Variants in ZNF469 observed in about 807,000 individuals in gnomAD.
The protein encoded by ZNF469 is zinc finger protein 469.
In ZNF469, 1 loss-of-function variant was observed where a neutral mutation model predicts 1.0. The observed-to-expected ratio is 1.00, with a 90% CI of 0.35 to 4.73. The LOEUF is 4.73. Among genes scored for constraint, ZNF469 ranks in the 30% most tolerant of loss-of-function variants. The pLI, the probability that ZNF469 is intolerant of heterozygous loss-of-function variation, is 0.16. For synonymous variants in ZNF469, 2,703 were observed against 2,363.4 expected, an observed-to-expected ratio of 1.14 and a Z score of -4.17; for missense variants, 6,100 against 5,356.3, an observed-to-expected ratio of 1.14 and a Z score of -4.33.
At chr16:88,364,234 A>T in the ZNF469 span, among the ~76,000 whole-genome samples, 4 of 152,208 alleles carry the variant, frequency 2.6e-5, no homozygotes, top group African/African-American at 4.8e-5. Context: ...TTCCCCTGCA[A>T]TAATTCATTG....
chr16:88,408,632 C>T (rs1439173177), intron 1 of ZNF469, among the ~76,000 whole-genome samples: 2 of 152,200 alleles, frequency 1.3e-5, no homozygotes, highest in Non-Finnish European at 2.9e-5. Context: ...ACTGACTGCT[C>T]AGGGCTGAAT....
At chr16:88,291,398 G>A in the ZNF469 span, among the ~76,000 whole-genome samples, 2 of 152,140 alleles carry the variant, frequency 1.3e-5, no homozygotes, top group African/African-American at 4.8e-5. Flanking sequence ...AGCAGCTTTA[G>A]CCTCCCAGCC....
the ZNF469 span, among the ~76,000 whole-genome samples, chr16:88,236,147 T>C: frequency 3.3e-5 from 5 of 152,248 alleles, no homozygotes; most frequent in African/African-American, 1.2e-4. Flanking sequence ...AAATGTCTCC[T>C]ATTGAGACCT....
chr16:88,309,513 T>C, the ZNF469 span, among the ~76,000 whole-genome samples: 1 of 134,538 alleles, frequency 7.4e-6, no homozygotes, highest in Non-Finnish European at 1.5e-5. Flanking sequence ...GGGAGTGCCC[T>C]CTGAGGTCCC....
At chr16:88,133,330 C>G in the ZNF469 span, among the ~76,000 whole-genome samples, 1 of 152,196 alleles carries the variant, frequency 6.6e-6, no homozygotes, top group South Asian at 2.1e-4. Context: ...CTTGGCAGCT[C>G]GAGAACGTCT....
intron 1 of ZNF469, among the ~76,000 whole-genome samples, chr16:88,388,226 C>T (rs761181964): frequency 6.6e-6 from 1 of 152,266 alleles, no homozygotes; most frequent in Non-Finnish European, 1.5e-5. Context: ...TAACACTCCC[C>T]ACCCTCAACC....
chr16:88,157,194 C>T, the ZNF469 span, among the ~76,000 whole-genome samples: 2 of 151,674 alleles, frequency 1.3e-5, no homozygotes, highest in African/African-American at 2.4e-5. Context: ...GTTGCTCTCT[C>T]GGGGCTGAAG....
upstream of ZNF469, among the ~76,000 whole-genome samples, chr16:88,381,360 A>T: frequency 1.3e-5 from 2 of 149,604 alleles, no homozygotes; most frequent in Admixed American, 6.7e-5. Context: ...ACTTATACAC[A>T]CATGCACTCA....
At chr16:88,356,832 C>A in the ZNF469 span, among the ~76,000 whole-genome samples, 3 of 152,244 alleles carry the variant, frequency 2.0e-5, no homozygotes, top group Non-Finnish European at 4.4e-5. Context: ...CGCATCAGTT[C>A]CTGGAGATGG....
Position 88,428,185 on chromosome 16 carries a change from G to A in ZNF469, c.715G>A (p.Ala239Thr), listed in dbSNP as rs1567508995. Residue 239 changes from alanine to threonine, a missense_variant, in exon 3 of 3, where the codon GCT becomes ACT. Transcript: ENST00000565624. ...TGGGGCCGACTCCTGGCCTCCCGCT[G>A]CTGAGAATAGCTTCCCAGGTGCTAA... ...ASGADSWPPA[A>T]ENSFPGANFG... 1 of 1,550,258 alleles carries A rather than the reference G, an allele frequency of 6.5e-7. No homozygotes were observed. The highest frequency in any genetic ancestry group is 2.0e-5 in the Admixed American group (1 of 51,004).
At chr16:88,354,978 T>C in the ZNF469 span, among the ~76,000 whole-genome samples, 3 of 152,104 alleles carry the variant, frequency 2.0e-5, no homozygotes, top group Admixed American at 2.0e-4. Flanking sequence ...GCCCAGCTCG[T>C]CTCTAGGCCC....
intron 2 of ZNF469, among the ~76,000 whole-genome samples, chr16:88,425,656 G>C (rs1388955598): frequency 6.6e-6 from 1 of 152,216 alleles, no homozygotes; most frequent in Non-Finnish European, 1.5e-5. Flanking sequence ...GGCAGTTCAG[G>C]AAAGTGCTCA....
the ZNF469 span, among the ~76,000 whole-genome samples, chr16:88,168,737 A>G: frequency 1.3e-5 from 2 of 152,316 alleles, no homozygotes; most frequent in South Asian, 2.1e-4. The surrounding 1 kb of genome is among the most constrained non-coding windows in gnomAD (Gnocchi z 4.3). Context: ...TTTGAGGATT[A>G]GCAAACAGCA....
At chr16:88,236,595 G>A in the ZNF469 span, among the ~76,000 whole-genome samples, 24 of 152,334 alleles carry the variant, frequency 1.6e-4, no homozygotes, top group South Asian at 2.3e-3. Flanking sequence ...GGCTGGGCGC[G>A]GTATCTCACG....
At chr16:88,140,229 A>G in the ZNF469 span, among the ~76,000 whole-genome samples, 1 of 152,142 alleles carries the variant, frequency 6.6e-6, no homozygotes, top group African/African-American at 2.4e-5. Context: ...TGGCTATATT[A>G]AATGGAAGCT....
chr16:88,269,848 G>T, the ZNF469 span, among the ~76,000 whole-genome samples: 1 of 152,048 alleles, frequency 6.6e-6, no homozygotes, highest in Admixed American at 6.5e-5. Context: ...CACCTTTTCT[G>T]AGTGTGTCTG....
chr16:88,199,513 G>T, the ZNF469 span, among the ~76,000 whole-genome samples: 1 of 152,184 alleles, frequency 6.6e-6, no homozygotes, highest in South Asian at 2.1e-4. Flanking sequence ...CACCTCCTGT[G>T]CCAACCATTG....
chr16:88,284,730 G>A, the ZNF469 span, among the ~76,000 whole-genome samples: 1 of 152,144 alleles, frequency 6.6e-6, no homozygotes, highest in Admixed American at 6.5e-5. Context: ...GGCCTTCCGT[G>A]GTGTGCGGCC....
intron 1 of ZNF469, among the ~76,000 whole-genome samples, chr16:88,401,469 A>AGATGGATG (rs57440613): frequency 1.3e-3 from 140 of 107,022 alleles, no homozygotes; most frequent in African/African-American, 5.1e-3. Flanking sequence ...GTGGGTGGGC[A>AGATGGATG]GATGGATGGA....
Sources: gnomAD v4.1 joint callset for allele counts (sites outside exome capture counted in the v4.1 genomes callset) on GRCh38, gnomAD v4.1.1 for gene constraint, Gnocchi (gnomAD v3.1) non-coding constraint, MANE v1.5 for transcripts, NCBI Gene and HGNC (gene_info 2026-07-23, HGNC 2026-07-21) for gene names.